Variants in TIMM9 observed in about 807,000 individuals in gnomAD.
TIMM9 encodes translocase of inner mitochondrial membrane 9.
In TIMM9, 10 loss-of-function variants were observed where a neutral mutation model predicts 13.4. The observed-to-expected ratio is 0.75, with a 90% CI of 0.46 to 1.26. The LOEUF is 1.26. TIMM9 is among the 50% of genes most tolerant of loss of function. The pLI, the probability that TIMM9 is intolerant of heterozygous loss-of-function variation, is 0.00. For missense variants in TIMM9, 87 were observed against 100.8 expected (o/e 0.86, Z 0.58); for synonymous variants, 32 against 32.1 (o/e 1.00, Z 0.01).
At chr14:58,418,425 C>T (rs963854740) in intron 3 of TIMM9, among the ~76,000 whole-genome samples, 4 of 152,208 alleles carry the variant, frequency 2.6e-5, no homozygotes, top group Non-Finnish European at 5.9e-5. Context: ...TCTCACCACT[C>T]TTATCTAACA....
intron 2 of TIMM9, among the ~76,000 whole-genome samples, chr14:58,424,430 G>A (rs2140345253): frequency 6.6e-6 from 1 of 152,288 alleles, no homozygotes; most frequent in Non-Finnish European, 1.5e-5. Context: ...GACAGCTGGA[G>A]CCTAACTAAG....
intron 3 of TIMM9, among the ~76,000 whole-genome samples, chr14:58,422,650 T>TA (rs1201245210): frequency 6.6e-6 from 1 of 152,156 alleles, no homozygotes; most frequent in Non-Finnish European, 1.5e-5. Context: ...TTCAGTGAAA[T>TA]AAAGTCTGTC....
At chr14:58,426,910 G>A (rs1324963814) in intron 2 of TIMM9, 144 bp downstream of exon 2, 1 of 152,714 alleles carries the variant, frequency 6.5e-6, no homozygotes, top group Non-Finnish European at 1.5e-5. Flanking sequence ...CCGACCCGGC[G>A]AAGCGCTGTC....
intron 3 of TIMM9, among the ~76,000 whole-genome samples, chr14:58,415,696 AC>A (rs1262395418): frequency 6.6e-6 from 1 of 152,238 alleles, no homozygotes; most frequent in Non-Finnish European, 1.5e-5. Flanking sequence ...TTAACAGAGT[AC>A]AAAGGACTTG....
chr14:58,419,493 ACACACACACAC>A (rs1566752401), intron 3 of TIMM9, among the ~76,000 whole-genome samples: 11 of 150,996 alleles, frequency 7.3e-5, no homozygotes, highest in African/African-American at 2.4e-4. Context: ...ACACACACAC[ACACACACACAC>A]AAACACATAC....
intron 3 of TIMM9, among the ~76,000 whole-genome samples, chr14:58,413,111 A>T (rs1054914502): frequency 6.6e-6 from 1 of 152,208 alleles, no homozygotes. Context: ...AAGACATTTT[A>T]CGTTCCTTTT....
In TIMM9 at chr14:58,411,361, T is replaced by C. The variant is rs541843267; in HGVS notation, c.40-423A>G. 2.0e-5 allele frequency among the ~76,000 whole-genome samples: 3 copies of C among 151,926 alleles called. No individual in the cohort carries two copies. The East Asian group carries it at 5.9e-4, about 30-fold the overall frequency. ...TACTCAGGAGGCTGAGGCAGGAGAA[T>C]TGCTTGGGCCCGGGAGATGGAGGTT... On this transcript the variant is annotated intron_variant, in intron 4 of 5. Coordinates refer to ENST00000395159, the MANE Select transcript of TIMM9 (RefSeq NM_012460.4).
chr14:58,412,225 C>T, intron 3 of TIMM9: 2 of 334,332 alleles, frequency 6.0e-6, no homozygotes, highest in Non-Finnish European at 1.1e-5. Context: ...TCACTGCAAC[C>T]TCTGCCTCCG....
Position 58,419,451 on chromosome 14 carries a change from TCACACACACACA to T in TIMM9, c.-27+4545_-27+4556del, listed in dbSNP as rs67147520. Reference sequence around the variant, plus strand: ...GTCTGGAAAATAGAGTGAGACCCCGTCACACACACACACACACACACACACACACACACACAC... The same window carrying T: ...GTCTGGAAAATAGAGTGAGACCCCGTCACACACACACACACACACACACAC... On this transcript the variant is annotated intron_variant, in intron 3 of 5. Transcript: ENST00000395159. Among the ~76,000 whole-genome samples the T allele has an allele frequency of 6.9e-3, 779 of 112,910 alleles. 5 individuals carry two copies. Among genetic ancestry groups the T allele is most frequent in the South Asian group, 0.021 (66 of 3,102 alleles). 74.1% of individuals were successfully genotyped at this position (112,910 alleles called of 152,430 possible).
At chr14:58,416,711 G>A (rs1486732977) in intron 3 of TIMM9, among the ~76,000 whole-genome samples, 1 of 152,164 alleles carries the variant, frequency 6.6e-6, no homozygotes, top group African/African-American at 2.4e-5. Context: ...GACAATTAAG[G>A]TTTCTATACT....
At chr14:58,412,419 C>T (rs749762551) in intron 3 of TIMM9, among the ~76,000 whole-genome samples, 3 of 152,208 alleles carry the variant, frequency 2.0e-5, no homozygotes, top group Admixed American at 6.5e-5. Context: ...GGATTACAGG[C>T]GTTAGCCGCC....
intron 3 of TIMM9, among the ~76,000 whole-genome samples, chr14:58,420,774 C>T (rs1322775390): frequency 1.9e-5 from 2 of 105,252 alleles, no homozygotes; most frequent in African/African-American, 7.8e-5. Flanking sequence ...ACCTGGGTGA[C>T]GAGAGCAAAA....
chr14:58,413,786 T>C (rs2140319667), intron 3 of TIMM9, among the ~76,000 whole-genome samples: 1 of 151,982 alleles, frequency 6.6e-6, no homozygotes, highest in African/African-American at 2.4e-5. Context: ...GGCGGGCAGA[T>C]TACGAGGTCA....
chr14:58,425,151 C>T (rs1304471534), intron 2 of TIMM9, among the ~76,000 whole-genome samples: 1 of 151,764 alleles, frequency 6.6e-6, no homozygotes, highest in Non-Finnish European at 1.5e-5. Context: ...TGGTTCACGC[C>T]TGTAATCCCA....
chr14:58,411,838 G>A (rs1403773404), intron 4 of TIMM9, 69 bp downstream of exon 4: 2 of 1,447,548 alleles, frequency 1.4e-6, no homozygotes, highest in Non-Finnish European at 9.7e-7. Flanking sequence ...CACCCAGCCT[G>A]ACATGGTGGC....
In TIMM9 at chr14:58,416,060, A is replaced by G. The variant is rs548828375; in HGVS notation, c.-26-4089T>C. 1.7e-3 allele frequency among the ~76,000 whole-genome samples: 259 copies of G among 151,484 alleles called. 2 individuals carry two copies. Among genetic ancestry groups the G allele is most frequent in the Admixed American group, 7.8e-3 (118 of 15,202 alleles). On this transcript the variant is annotated intron_variant, in intron 3 of 5. Coordinates refer to ENST00000395159, the MANE Select transcript of TIMM9 (RefSeq NM_012460.4). ...GTGAAACCCCGTCCCTACTGAAAAA[A>G]AAAAAAAAAATACAAAAAGCAGCTG...
intron 3 of TIMM9, among the ~76,000 whole-genome samples, chr14:58,420,742 G>A (rs1004740841): frequency 1.9e-4 from 28 of 147,224 alleles, no homozygotes; most frequent in African/African-American, 4.8e-4. Context: ...GCAGTGAGCC[G>A]GGATCACGCC....
At chr14:58,419,376 G>A (rs1182990241) in intron 3 of TIMM9, among the ~76,000 whole-genome samples, 1 of 151,030 alleles carries the variant, frequency 6.6e-6, no homozygotes, top group Non-Finnish European at 1.5e-5. Flanking sequence ...AATCATTTGA[G>A]CCTGGGAGGT....
chr14:58,410,897 G>A lies in TIMM9; in HGVS notation c.81C>T (p.Thr27=). 1 of 1,613,512 alleles carries A rather than the reference G, an allele frequency of 6.2e-7. No homozygotes were observed. The highest frequency in any genetic ancestry group is 8.5e-7 in the Non-Finnish European group (1 of 1,179,820). ...AGTCTTTAACACAGTCCAAAAAGCA[G>A]GTCTCTGTAAGTTTATTGTAGGTCC... is the stretch of plus-strand genomic sequence containing the variant. ...FLGTYNKLTE[T]CFLDCVKDFT... The change falls in exon 5 of 6, where the codon ACC becomes ACT. Residue 27 remains threonine (T), a synonymous_variant. Coordinates refer to ENST00000395159, the MANE Select transcript of TIMM9 (RefSeq NM_012460.4).
Sources: gnomAD v4.1 joint callset for allele counts (sites outside exome capture counted in the v4.1 genomes callset) on GRCh38, gnomAD v4.1.1 for gene constraint, MANE v1.5 for transcripts, NCBI Gene and HGNC (gene_info 2026-07-23, HGNC 2026-07-21) for gene names.